The following NRXN3 variants were observed in gnomAD, a reference collection of about 807,000 sequenced individuals.
NRXN3 encodes the protein neurexin 3, also known as neurexin III.
In NRXN3, 32 loss-of-function variants were observed where a neutral mutation model predicts 137.6. The observed-to-expected ratio is 0.23, with a 90% CI of 0.18 to 0.31. The LOEUF is 0.31. Among genes scored for constraint, NRXN3 ranks in the 10% least tolerant of loss-of-function variants. NRXN3 has a pLI of 1.00. For synonymous variants in NRXN3, 798 were observed against 784.5 expected (o/e 1.02, Z -0.29); for missense variants, 1,574 against 2,062.5 (o/e 0.76, Z 4.59).
Position 78,544,773 on chromosome 14 carries a change from G to A in NRXN3, c.758-100347G>A, listed in dbSNP as rs571298992. On this transcript the variant is annotated intron_variant, in intron 4 of 20. Transcript: ENST00000335750. ...GTGCTCATGAGGACTGCATAGAGTT[G>A]CAATCTTCTTGGGAGGGTACACATG... is the stretch of plus-strand genomic sequence containing the variant. Among the ~76,000 whole-genome samples the A allele has an allele frequency of 7.9e-5, 12 of 152,308 alleles. No individual in the cohort carries two copies. The South Asian group carries it at 2.5e-3, about 32-fold the overall frequency.
In NRXN3 at chr14:79,597,050, C is replaced by T. The variant is rs1271888272; in HGVS notation, c.3445-66728C>T. Among the ~76,000 whole-genome samples the T allele has an allele frequency of 3.3e-5, 5 of 152,162 alleles. 1 individual carries two copies. Among genetic ancestry groups the T allele is most frequent in the African/African-American group, 1.2e-4 (5 of 41,444 alleles). Reference sequence around the variant, plus strand: ...ACCTGGCAAAGGGAAGATCCTCTTTCTCTACTACCTTAGTCCTTCTTTTTA... The same window carrying T: ...ACCTGGCAAAGGGAAGATCCTCTTTTTCTACTACCTTAGTCCTTCTTTTTA... On this transcript the variant is annotated intron_variant, in intron 16 of 20. Coordinates refer to ENST00000335750, the MANE Select transcript of NRXN3 (RefSeq NM_001330195.2).
chr14:78,220,389 C>G (rs549164718), intron 1 of NRXN3, among the ~76,000 whole-genome samples: 2 of 151,830 alleles, frequency 1.3e-5, no homozygotes, highest in African/African-American at 2.4e-5. Flanking sequence ...GAAGGGGGCC[C>G]GAAAGCAGCA....
intron 4 of NRXN3, among the ~76,000 whole-genome samples, chr14:78,436,485 A>G (rs957589699): frequency 6.6e-6 from 1 of 152,166 alleles, no homozygotes; most frequent in African/African-American, 2.4e-5. Context: ...ACTATCAATG[A>G]GCAGATTGGG....
chr14:79,561,193 A>T (rs1193611086), intron 16 of NRXN3, among the ~76,000 whole-genome samples: 1 of 152,180 alleles, frequency 6.6e-6, no homozygotes, highest in Non-Finnish European at 1.5e-5. Flanking sequence ...GATGTTGTCA[A>T]ATTGTCTTTC....
intron 16 of NRXN3, among the ~76,000 whole-genome samples, chr14:79,561,532 A>T (rs1243806478): frequency 6.6e-6 from 1 of 152,134 alleles, no homozygotes; most frequent in Non-Finnish European, 1.5e-5. Flanking sequence ...TCTTTCATTT[A>T]GTTTGGTAGG....
intron 15 of NRXN3, among the ~76,000 whole-genome samples, chr14:79,198,491 G>A (rs1236140295): frequency 2.6e-5 from 4 of 152,266 alleles, no homozygotes; most frequent in African/African-American, 7.2e-5. Flanking sequence ...TAGTGAGAAC[G>A]ATATGATTTG....
At chr14:79,586,586 C>T in intron 16 of NRXN3, among the ~76,000 whole-genome samples, 1 of 152,118 alleles carries the variant, frequency 6.6e-6, no homozygotes, top group Non-Finnish European at 1.5e-5. Flanking sequence ...ACACCCGCCT[C>T]AGCCACCCAA....
At chr14:79,071,641 G>C (rs2099687925) in intron 15 of NRXN3, among the ~76,000 whole-genome samples, 1 of 152,124 alleles carries the variant, frequency 6.6e-6, no homozygotes, top group Non-Finnish European at 1.5e-5. Context: ...GAGAGAGAGA[G>C]AGTAGAAGGA....
At chr14:79,110,150 G>A (rs2053213154) in intron 15 of NRXN3, among the ~76,000 whole-genome samples, 2 of 151,910 alleles carry the variant, frequency 1.3e-5, no homozygotes, top group African/African-American at 4.8e-5. Context: ...GTTGCAATGG[G>A]AAAAAAATTC....
intron 6 of NRXN3, chr14:78,708,357 C>T (rs529516193): frequency 6.6e-6 from 1 of 152,312 alleles, no homozygotes; most frequent in African/African-American, 2.4e-5. Flanking sequence ...AAATCAATGT[C>T]CTTGACTGAC....
chr14:79,593,561 G>T (rs2097830024), intron 16 of NRXN3, among the ~76,000 whole-genome samples: 1 of 150,106 alleles, frequency 6.7e-6, no homozygotes, highest in Non-Finnish European at 1.5e-5. Flanking sequence ...AACCCGGGAG[G>T]CAGAGCTTGC....
intron 16 of NRXN3, among the ~76,000 whole-genome samples, chr14:79,610,167 TAG>T (rs2153865061): frequency 6.6e-6 from 1 of 152,206 alleles, no homozygotes; most frequent in Non-Finnish European, 1.5e-5. Flanking sequence ...GCCTAATTCA[TAG>T]AGTCAACATT....
At chr14:78,504,813 T>A (rs1024395860) in intron 4 of NRXN3, among the ~76,000 whole-genome samples, 8 of 152,140 alleles carry the variant, frequency 5.3e-5, no homozygotes, top group African/African-American at 1.9e-4. Flanking sequence ...GAAATAGTCC[T>A]CATAGAAATT....
intron 9 of NRXN3, among the ~76,000 whole-genome samples, chr14:78,806,217 A>G (rs998671990): frequency 6.6e-6 from 1 of 152,068 alleles, no homozygotes; most frequent in African/African-American, 2.4e-5. Context: ...CATCATAATT[A>G]CTGGTTTGAA....
chr14:78,438,508 CT>C (rs756173492), intron 4 of NRXN3, among the ~76,000 whole-genome samples: 10 of 152,028 alleles, frequency 6.6e-5, no homozygotes, highest in Non-Finnish European at 1.5e-4. Flanking sequence ...TGTTAAGCTG[CT>C]TTTATTGCAG....
chr14:79,233,389 C>T (rs1325083305), intron 15 of NRXN3, among the ~76,000 whole-genome samples: 1 of 152,142 alleles, frequency 6.6e-6, no homozygotes, highest in Non-Finnish European at 1.5e-5. Context: ...TTCACATGCA[C>T]TCCAGTACAA....
At chr14:79,164,756 A>G (rs770881181) in intron 15 of NRXN3, among the ~76,000 whole-genome samples, 1 of 152,036 alleles carries the variant, frequency 6.6e-6, no homozygotes, top group Non-Finnish European at 1.5e-5. Context: ...CATTGCTCAG[A>G]AAAATGCATA....
intron 10 of NRXN3, among the ~76,000 whole-genome samples, chr14:78,826,598 A>G (rs949395714): frequency 6.6e-6 from 1 of 152,232 alleles, no homozygotes; most frequent in African/African-American, 2.4e-5. Context: ...TTCTAAAAGT[A>G]GGTAATAATA....
chr14:79,463,067 A>G (rs1483082584), intron 15 of NRXN3, among the ~76,000 whole-genome samples: 1 of 152,180 alleles, frequency 6.6e-6, no homozygotes, highest in Non-Finnish European at 1.5e-5. Context: ...GGGGGTTTCT[A>G]AGTCAAAACA....
Sources: allele counts gnomAD v4.1 joint callset (sites outside exome capture counted in the v4.1 genomes callset), GRCh38; gene constraint gnomAD v4.1.1; transcripts MANE v1.5; gene names NCBI Gene and HGNC (gene_info 2026-07-23, HGNC 2026-07-21).